TBC1D22A: variants seen among roughly 807,000 people sequenced by gnomAD.
TBC1D22A encodes putative GTPase activator.
Under a neutral mutation model 60.2 loss-of-function variants are expected in TBC1D22A, and 38 were observed. The ratio of observed to expected loss-of-function variants is 0.63; its 90% CI spans 0.49 to 0.83. TBC1D22A has a LOEUF of 0.83. Ranked by LOEUF, TBC1D22A falls within the 40% of genes least tolerant of loss-of-function variation. The probability of loss-of-function intolerance (pLI) is 0.00; values close to 1 mark genes in which losing one functional copy is unlikely to be tolerated. For synonymous variants in TBC1D22A, 302 were observed against 281.7 expected, an observed-to-expected ratio of 1.07 and a Z score of -0.72; for missense variants, 628 against 701.0, an observed-to-expected ratio of 0.90 and a Z score of 1.18.
At chr22:47,076,069 G>A (rs2064193630) in intron 11 of TBC1D22A, among the ~76,000 whole-genome samples, 1 of 152,028 alleles carries the variant, frequency 6.6e-6, no homozygotes, top group African/African-American at 2.4e-5. Context: ...GAATTACAAG[G>A]ACAGATTGAC....
At chr22:47,143,728 C>T (rs913760644) in intron 12 of TBC1D22A, among the ~76,000 whole-genome samples, 3 of 152,222 alleles carry the variant, frequency 2.0e-5, no homozygotes, top group African/African-American at 4.8e-5. Context: ...GCATGCATCG[C>T]GTGTACCCAG....
At chr22:47,138,121 C>T (rs1052399751) in intron 12 of TBC1D22A, among the ~76,000 whole-genome samples, 3 of 152,310 alleles carry the variant, frequency 2.0e-5, no homozygotes, top group South Asian at 4.1e-4. Context: ...CCTTGTGAGC[C>T]GCAGTCCTCG....
intron 5 of TBC1D22A, among the ~76,000 whole-genome samples, chr22:46,886,883 C>T (rs565945816): frequency 2.4e-4 from 36 of 152,294 alleles, no homozygotes; most frequent in African/African-American, 8.4e-4. Flanking sequence ...GTGCCCTGTC[C>T]AGCAAAATTT....
chr22:46,878,835 T>G (rs2067703995), intron 5 of TBC1D22A, 112 bp downstream of exon 5: 1 of 954,650 alleles, frequency 1.0e-6, no homozygotes. Flanking sequence ...CTTGGCTTTG[T>G]TGCAGTGATA....
rs143445922 is a variant in TBC1D22A, at chr22:47,012,475, G to A, written c.1201+14766G>A. Reference sequence around the variant, plus strand: ...CCCCTCACTGTCGTCCTGGGCCCTCGGAATCATGCCTCTGTGCCCAGAGTG... The same window carrying A: ...CCCCTCACTGTCGTCCTGGGCCCTCAGAATCATGCCTCTGTGCCCAGAGTG... On this transcript the variant is annotated intron_variant, in intron 10 of 12. Transcript: ENST00000337137. 1.9e-3 allele frequency among the ~76,000 whole-genome samples: 287 copies of A among 152,268 alleles called. 3 individuals carry two copies. Among genetic ancestry groups the A allele is most frequent in the East Asian group, 4.5e-3 (23 of 5,158 alleles).
chr22:46,962,185 T>G (rs959404009), intron 8 of TBC1D22A, among the ~76,000 whole-genome samples: 2 of 152,168 alleles, frequency 1.3e-5, no homozygotes, highest in Admixed American at 1.3e-4. Flanking sequence ...TCACTGCCCC[T>G]CCTGCTCTGC....
chr22:46,929,703 T>G (rs1275095468), intron 8 of TBC1D22A, among the ~76,000 whole-genome samples: 2 of 8,728 alleles, frequency 2.3e-4, no homozygotes, highest in Non-Finnish European at 4.2e-4. Context: ...GACAAGGGTG[T>G]GTGTGTGTGT....
rs1441661424 is a variant in TBC1D22A, at chr22:46,762,859, C to T, written c.62+11C>T. The T allele has an allele frequency of 5.4e-6, 8 of 1,468,394 alleles. No individual in the cohort carries two copies. The highest frequency in any genetic ancestry group is 1.5e-5 in the African/African-American group (1 of 66,864). The allele number at this position is 1,468,394 out of a possible 1,614,324, so 91.0% of individuals were successfully genotyped here. On this transcript the variant is annotated intron_variant, in intron 1 of 12. Transcript: ENST00000337137. ...CAAGCTCCCGGGCAGGTGGGTGTGC[C>T]GCGGAGGGCCAGGTCGGGGTCAGGG... is the stretch of plus-strand genomic sequence containing the variant.
intron 11 of TBC1D22A, among the ~76,000 whole-genome samples, chr22:47,074,026 C>T (rs191699601): frequency 5.5e-4 from 83 of 152,254 alleles, no homozygotes; most frequent in East Asian, 2.1e-3. Context: ...GAGGATCAGT[C>T]GGGCCCCGGA....
intron 4 of TBC1D22A, among the ~76,000 whole-genome samples, chr22:46,856,772 G>A (rs895299592): frequency 3.3e-5 from 5 of 152,170 alleles, no homozygotes; most frequent in African/African-American, 1.2e-4. Flanking sequence ...AATGGATATA[G>A]CTCTAATTTA....
intron 9 of TBC1D22A, among the ~76,000 whole-genome samples, chr22:46,984,654 C>G (rs2074653341): frequency 6.6e-6 from 1 of 152,174 alleles, no homozygotes; most frequent in Admixed American, 6.5e-5. Flanking sequence ...TTTACATTTC[C>G]TTTCCTTGGG....
At chr22:47,091,051 A>AT in intron 11 of TBC1D22A, among the ~76,000 whole-genome samples, 1 of 51,768 alleles carries the variant, frequency 1.9e-5, no homozygotes, top group African/African-American at 8.4e-5. Flanking sequence ...CTTTGGGGGG[A>AT]GTGGCCTCGC....
chr22:47,122,055 C>T (rs1386108625), intron 12 of TBC1D22A, among the ~76,000 whole-genome samples: 1 of 152,216 alleles, frequency 6.6e-6, no homozygotes, highest in Non-Finnish European at 1.5e-5. Context: ...CACACAGGCC[C>T]ATGGCCCTCA....
chr22:46,845,094 T>G (rs1320308914), intron 4 of TBC1D22A, among the ~76,000 whole-genome samples: 1 of 152,232 alleles, frequency 6.6e-6, no homozygotes, highest in East Asian at 1.9e-4. Context: ...CGGTTGCCTG[T>G]GCCAGGAGAA....
chr22:46,979,674 G>A (rs1392350180), intron 9 of TBC1D22A, among the ~76,000 whole-genome samples: 1 of 152,190 alleles, frequency 6.6e-6, no homozygotes, highest in African/African-American at 2.4e-5. Flanking sequence ...CACCATGAGC[G>A]TGTGGTATTG....
chr22:47,035,221 T>G (rs981263378), intron 10 of TBC1D22A, among the ~76,000 whole-genome samples: 1 of 152,202 alleles, frequency 6.6e-6, no homozygotes, highest in African/African-American at 2.4e-5. Flanking sequence ...CCCGCCTGCC[T>G]CCGGGGCCTG....
chr22:46,922,058 T>G (rs2070789666), intron 8 of TBC1D22A, among the ~76,000 whole-genome samples: 1 of 152,226 alleles, frequency 6.6e-6, no homozygotes, highest in Non-Finnish European at 1.5e-5. Context: ...TATCTTGAGT[T>G]GATTTTGGTA....
At chr22:46,920,026 A>C (rs2070644767) in intron 8 of TBC1D22A, among the ~76,000 whole-genome samples, 1 of 150,622 alleles carries the variant, frequency 6.6e-6, no homozygotes, top group African/African-American at 2.5e-5. Context: ...TTCTAGGCTT[A>C]AAGCTGAGTG....
chr22:47,159,501 G>A lies in TBC1D22A; in HGVS notation c.1426-13997G>A, dbSNP rs372957394. Among the ~76,000 whole-genome samples the A allele has an allele frequency of 8.7e-5, 13 of 149,390 alleles. No homozygotes were observed. In the South Asian group the frequency reaches 2.1e-3, roughly 25 times the overall value. ...GTAAACACACAGACAACACATACAC[G>A]ACATGCATACTCACCATGTTTACAC... is the stretch of plus-strand genomic sequence containing the variant. On this transcript the variant is annotated intron_variant, in intron 12 of 12. Coordinates refer to ENST00000337137, the MANE Select transcript of TBC1D22A (RefSeq NM_014346.5).
Sources: gnomAD v4.1 joint callset for allele counts (sites outside exome capture counted in the v4.1 genomes callset) on GRCh38, gnomAD v4.1.1 for gene constraint, MANE v1.5 for transcripts, NCBI Gene and HGNC (gene_info 2026-07-23, HGNC 2026-07-21) for gene names.